The following SMCHD1 variants were observed in gnomAD, a reference collection of about 807,000 sequenced individuals.
SMCHD1 encodes structural maintenance of chromosomes flexible hinge domain containing 1.
Under a neutral mutation model 254.7 loss-of-function variants are expected in SMCHD1, and 78 were observed. The ratio of observed to expected loss-of-function variants is 0.31; its 90% CI spans 0.26 to 0.37. SMCHD1 has a LOEUF of 0.37. SMCHD1 is among the 10% of genes least tolerant of loss of function. SMCHD1 has a pLI of 1.00. For synonymous variants in SMCHD1, 766 were observed against 794.9 expected (o/e 0.96, Z 0.61); for missense variants, 1,840 against 2,408.1 (o/e 0.76, Z 4.94).
chr18:2,704,192 T>A (rs893877565), intron 13 of SMCHD1, among the ~76,000 whole-genome samples: 1 of 152,130 alleles, frequency 6.6e-6, no homozygotes, highest in African/African-American at 2.4e-5. Flanking sequence ...CCTCAGGAGC[T>A]AGGTAAGAAT....
At chr18:2,667,565 C>CT (rs2073474030) in intron 3 of SMCHD1, among the ~76,000 whole-genome samples, 2 of 152,146 alleles carry the variant, frequency 1.3e-5, no homozygotes, top group African/African-American at 4.8e-5. Flanking sequence ...TCTAATACTA[C>CT]TTACATGTTC....
intron 3 of SMCHD1, among the ~76,000 whole-genome samples, chr18:2,668,636 A>G (rs74344266): frequency 6.6e-6 from 1 of 152,154 alleles, no homozygotes. Context: ...ACTGCCTAAA[A>G]TTTTTTGATC....
intron 5 of SMCHD1, among the ~76,000 whole-genome samples, chr18:2,680,531 T>A (rs766468723): frequency 1.3e-5 from 2 of 152,236 alleles, no homozygotes; most frequent in Non-Finnish European, 1.5e-5. Context: ...TAGTGCTCTG[T>A]TGCAGAGTTT....
At chr18:2,751,743 A>G (rs996255667) in intron 33 of SMCHD1, among the ~76,000 whole-genome samples, 2 of 152,162 alleles carry the variant, frequency 1.3e-5, no homozygotes. Context: ...ACTGCTTGAA[A>G]GAGAGTGGAG....
At chr18:2,792,706 CTTGAT>C (rs1336992831) in intron 45 of SMCHD1, among the ~76,000 whole-genome samples, 1 of 152,116 alleles carries the variant, frequency 6.6e-6, no homozygotes, top group Admixed American at 6.5e-5. Flanking sequence ...TGCTTTCATA[CTTGAT>C]TTATTATAAT....
chr18:2,785,882 C>T (rs903067149), intron 45 of SMCHD1, among the ~76,000 whole-genome samples: 7 of 152,158 alleles, frequency 4.6e-5, no homozygotes, highest in African/African-American at 1.2e-4. Context: ...GCTAATTTCA[C>T]TTGGCATAAT....
intron 45 of SMCHD1, among the ~76,000 whole-genome samples, chr18:2,788,782 G>A (rs1022050415): frequency 2.6e-5 from 4 of 151,956 alleles, no homozygotes; most frequent in Admixed American, 6.6e-5. Flanking sequence ...TATTTTTGTA[G>A]AGATGGGGTT....
Position 2,775,924 on chromosome 18 carries a change from G to T in SMCHD1, c.5366G>T (p.Arg1789Ile). Residue 1789 changes from arginine to isoleucine, a missense_variant and splice_region_variant, in exon 42 of 48, where the codon AGA (arginine) becomes ATA (isoleucine). Transcript: ENST00000320876. ...AAGAAGACTCTTCCAGATTGGAAAA[G>T]GTTAGAAAAAAGTGAAAGTAATTTT... ...IYKKTLPDWKRSLPHFRNGKL... is the reference protein window; with the variant it reads ...IYKKTLPDWKISLPHFRNGKL... 6.4e-7 allele frequency: 1 copy of T among 1,560,592 alleles called. No homozygotes were observed. The highest frequency in any genetic ancestry group is 8.6e-7 in the Non-Finnish European group (1 of 1,163,712).
intron 23 of SMCHD1, 91 bp downstream of exon 23, chr18:2,728,687 T>G (rs2075073209): frequency 4.5e-6 from 6 of 1,343,098 alleles, no homozygotes; most frequent in Non-Finnish European, 6.0e-6. Flanking sequence ...TTACACAGGA[T>G]TTAAGTCTGA....
At position 2,747,572 on chromosome 18, in the gene SMCHD1, A is replaced by G. The variant is rs1414438229; in HGVS notation, c.3852A>G (p.Gln1284=). 2 of 1,610,002 alleles carry G rather than the reference A, an allele frequency of 1.2e-6. No individual in the cohort carries two copies. The change falls in exon 30 of 48, where the codon CAA becomes CAG. Residue 1284 remains glutamine (Q), a synonymous_variant. Coordinates refer to ENST00000320876, the MANE Select transcript of SMCHD1 (RefSeq NM_015295.3). ...ATTTACAGAACCCTATTATTGTTCA[A>G]CTTTGTGATCAGTGGGATAATCCAG... ...GRDLQNPIIV[Q]LCDQWDNPAP...
intron 37 of SMCHD1, among the ~76,000 whole-genome samples, chr18:2,768,874 A>T (rs1400248126): frequency 7.6e-6 from 1 of 132,328 alleles, no homozygotes; most frequent in Non-Finnish European, 1.8e-5. Flanking sequence ...CCACATTCAG[A>T]AACTGATTGG....
intron 1 of SMCHD1, among the ~76,000 whole-genome samples, chr18:2,657,127 G>A (rs560417821): frequency 6.6e-6 from 1 of 152,148 alleles, no homozygotes; most frequent in African/African-American, 2.4e-5. Context: ...AGCGTCCAAG[G>A]GAAAAAAAGA....
At chr18:2,674,542 G>A (rs2073696476) in intron 5 of SMCHD1, among the ~76,000 whole-genome samples, 2 of 152,244 alleles carry the variant, frequency 1.3e-5, no homozygotes, top group South Asian at 4.1e-4. Context: ...TACTTTCAGA[G>A]CTCTTTTTGC....
intron 29 of SMCHD1, among the ~76,000 whole-genome samples, chr18:2,744,758 A>G (rs748103697): frequency 6.6e-6 from 1 of 152,208 alleles, no homozygotes; most frequent in Non-Finnish European, 1.5e-5. Context: ...CTTTGATGGA[A>G]TTCTAGTTTT....
chr18:2,657,494 T>C (rs927656157), intron 1 of SMCHD1, among the ~76,000 whole-genome samples: 1 of 152,222 alleles, frequency 6.6e-6, no homozygotes, highest in African/African-American at 2.4e-5. Context: ...TTTTTACGTT[T>C]ATTGTGTTTA....
chr18:2,802,673 C>T lies in SMCHD1; in HGVS notation c.*121C>T, dbSNP rs2076386138. 1.2e-6 allele frequency: 1 copy of T among 825,296 alleles called. No individual in the cohort carries two copies. Among genetic ancestry groups the T allele is most frequent in the Admixed American group, 3.4e-5 (1 of 29,002 alleles). 51.1% of individuals were successfully genotyped at this position (825,296 alleles called of 1,614,324 possible). A position where few individuals can be genotyped will look rare whatever the true frequency, so the allele number is the denominator to read the frequency against. On this transcript the variant is annotated 3_prime_UTR_variant, in exon 48 of 48. Coordinates refer to ENST00000320876, the MANE Select transcript of SMCHD1 (RefSeq NM_015295.3). ...AGTATTTCTGGGGACAATACAAGTA[C>T]CTGGGCATGAATTTCCATTTCGATT...
intron 1 of SMCHD1, among the ~76,000 whole-genome samples, chr18:2,665,441 C>G (rs976944859): frequency 6.6e-6 from 1 of 152,066 alleles, no homozygotes; most frequent in African/African-American, 2.4e-5. Context: ...CTGCCTTGGC[C>G]TCCTGAGTAG....
intron 44 of SMCHD1, among the ~76,000 whole-genome samples, chr18:2,778,745 CTT>C (rs1319334847): frequency 6.6e-6 from 1 of 152,170 alleles, no homozygotes; most frequent in Non-Finnish European, 1.5e-5. Context: ...TGAGGACTCT[CTT>C]CCCCCTGTCT....
In SMCHD1 at chr18:2,767,118, A is replaced by T. The variant is rs545296827; in HGVS notation, c.4720-2576A>T. ...CAAAAAATTTAAAAATTAGCCAAGC[A>T]TGGTGACAACGCACCTATAGCCCCA... On this transcript the variant is annotated intron_variant, in intron 37 of 47. Coordinates refer to ENST00000320876, the MANE Select transcript of SMCHD1 (RefSeq NM_015295.3). 2.2e-3 allele frequency among the ~76,000 whole-genome samples: 332 copies of T among 152,164 alleles called. 2 individuals carry two copies. The highest frequency in any genetic ancestry group is 0.01 in the Middle Eastern group (3 of 294).
Sources: allele counts gnomAD v4.1 joint callset (sites outside exome capture counted in the v4.1 genomes callset), GRCh38; gene constraint gnomAD v4.1.1; transcripts MANE v1.5; gene names NCBI Gene and HGNC (gene_info 2026-07-23, HGNC 2026-07-21).